The following PCDH15 variants were observed in gnomAD, a reference collection of about 807,000 sequenced individuals.
The protein encoded by PCDH15 is protocadherin-15.
In PCDH15, 129 loss-of-function variants were observed where a neutral mutation model predicts 178.5. The observed-to-expected ratio is 0.72, with a 90% CI of 0.63 to 0.84. PCDH15 has a LOEUF of 0.84. Ranked by LOEUF, PCDH15 falls within the 40% of genes least tolerant of loss-of-function variation. PCDH15 has a pLI of 0.00. For missense variants in PCDH15, 2,230 were observed against 2,099.9 expected (o/e 1.06, Z -1.21); for synonymous variants, 800 against 732.0 (o/e 1.09, Z -1.50).
At chr10:54,104,603 C>T (rs989776789) in intron 15 of PCDH15, among the ~76,000 whole-genome samples, 7 of 152,066 alleles carry the variant, frequency 4.6e-5, no homozygotes, top group African/African-American at 1.4e-4. Context: ...TTTGGGAGGC[C>T]AAGGCAGGCA....
chr10:54,120,208 A>T lies in PCDH15; in HGVS notation c.1917+12667T>A, dbSNP rs372200715. The stretch of plus-strand genomic sequence containing the variant: ...TGAGAAGTAAAATATTTTCCTGACA[A>T]GCACGTACTAAGAATATTTGTTACC... On this transcript the variant is annotated intron_variant, in intron 15 of 37. Coordinates refer to ENST00000644397, the MANE Select transcript of PCDH15 (RefSeq NM_001384140.1). Among the ~76,000 whole-genome samples the T allele has an allele frequency of 2.6e-5, 4 of 152,218 alleles. No homozygotes were observed. The East Asian group carries it at 7.7e-4, about 29-fold the overall frequency.
At chr10:55,071,712 C>T (rs150373018) in intron 2 of PCDH15, among the ~76,000 whole-genome samples, 6 of 152,084 alleles carry the variant, frequency 3.9e-5, no homozygotes, top group African/African-American at 1.4e-4. Context: ...AACAAGGATA[C>T]CCAGGAATTG....
intron 8 of PCDH15, among the ~76,000 whole-genome samples, chr10:54,307,081 CATATATATAT>C (rs1564922367): frequency 8.6e-5 from 1 of 11,574 alleles, no homozygotes. Context: ...TATATATATA[CATATATATAT>C]ATGTGTGTGT....
rs190807437 is a variant in PCDH15 at position 54,172,374 on chromosome 10, A to G, written c.1590+11070T>C. ...ATTTTCCTTTACCTACCCAAATCCT[A>G]TAAAACGGCCCCACCCTTATCTCCC... On this transcript the variant is annotated intron_variant, in intron 13 of 37. Coordinates refer to ENST00000644397, the MANE Select transcript of PCDH15 (RefSeq NM_001384140.1). Among the ~76,000 whole-genome samples, 179 of 151,800 alleles carry G rather than the reference A, an allele frequency of 1.2e-3. 1 individual carries two copies. Among genetic ancestry groups the G allele is most frequent in the African/African-American group, 4.0e-3 (164 of 41,350 alleles).
At chr10:53,999,562 A>G (rs1163168635) in intron 20 of PCDH15, among the ~76,000 whole-genome samples, 2 of 152,214 alleles carry the variant, frequency 1.3e-5, no homozygotes, top group Middle Eastern at 3.2e-3. Context: ...TTAAGAGGCC[A>G]TGGGCCATAA....
chr10:54,694,474 CCAATTTTTA>C (rs1252452453), intron 1 of PCDH15, among the ~76,000 whole-genome samples: 2 of 152,106 alleles, frequency 1.3e-5, no homozygotes, highest in Non-Finnish European at 1.5e-5. Flanking sequence ...CACAAATATT[CCAATTTTTA>C]CAAATTGAAG....
chr10:54,229,689 C>T (rs142054462), intron 9 of PCDH15, among the ~76,000 whole-genome samples: 68 of 152,172 alleles, frequency 4.5e-4, no homozygotes, highest in South Asian at 1.2e-3. Context: ...TGAGACATGC[C>T]GTTCACCTTC....
chr10:55,249,046 A>T (rs912842551), intron 1 of PCDH15, among the ~76,000 whole-genome samples: 1 of 152,214 alleles, frequency 6.6e-6, no homozygotes, highest in Non-Finnish European at 1.5e-5. Context: ...AAAAAGTTGT[A>T]AATCTATAAA....
At chr10:53,938,774 A>G in intron 25 of PCDH15, 41 bp downstream of exon 25, 1 of 1,600,426 alleles carries the variant, frequency 6.2e-7, no homozygotes, top group Non-Finnish European at 8.5e-7. Context: ...TAGCAGAGAC[A>G]CCATACAATT....
At chr10:55,219,839 G>T (rs1326749654) in intron 1 of PCDH15, among the ~76,000 whole-genome samples, 1 of 150,138 alleles carries the variant, frequency 6.7e-6, no homozygotes, top group Non-Finnish European at 1.5e-5. Context: ...CAATATTGGA[G>T]GTGTTTCACA....
intron 1 of PCDH15, among the ~76,000 whole-genome samples, chr10:55,274,839 A>C (rs1842545150): frequency 6.6e-6 from 1 of 152,004 alleles, no homozygotes; most frequent in African/African-American, 2.4e-5. Context: ...GATCCCTTGC[A>C]TGTGCAGTTC....
intron 2 of PCDH15, among the ~76,000 whole-genome samples, chr10:54,586,605 G>A (rs1476444504): frequency 6.6e-6 from 1 of 152,108 alleles, no homozygotes; most frequent in East Asian, 1.9e-4. Flanking sequence ...CTAAAGTTTA[G>A]TTTGGGACAA....
At chr10:55,540,054 AT>A (rs1030097189) in intron 2 of PCDH15, among the ~76,000 whole-genome samples, 7 of 152,038 alleles carry the variant, frequency 4.6e-5, no homozygotes, top group Non-Finnish European at 1.0e-4. Flanking sequence ...AATATCGTTT[AT>A]TTTTTTAACC....
At chr10:54,260,326 C>T (rs2057219451) in intron 8 of PCDH15, among the ~76,000 whole-genome samples, 1 of 151,230 alleles carries the variant, frequency 6.6e-6, no homozygotes, top group Admixed American at 6.6e-5. Flanking sequence ...CTCTCTCTGT[C>T]GCCCCCAATT....
At chr10:55,609,383 TA>T (rs1382795711) in intron 2 of PCDH15, among the ~76,000 whole-genome samples, 1 of 152,148 alleles carries the variant, frequency 6.6e-6, no homozygotes, top group African/African-American at 2.4e-5. Context: ...TAAATAGCTA[TA>T]AATATACCTT....
At position 54,313,883 on chromosome 10, in the gene PCDH15, T is replaced by C. The variant is rs2061061003; in HGVS notation, c.876+3388A>G. ...GGAAGGTCAATGATTCTTTGTAAAA[T>C]TAAGTTTGTACACTCTGCTTTTCAA... On this transcript the variant is annotated intron_variant, in intron 8 of 37. Transcript: ENST00000644397. Among the ~76,000 whole-genome samples the C allele has an allele frequency of 2.0e-5, 3 of 152,002 alleles. No homozygotes were observed. The South Asian group carries it at 6.2e-4, about 31-fold the overall frequency.
chr10:54,555,867 TTGA>T (rs909744890), intron 2 of PCDH15, among the ~76,000 whole-genome samples: 2 of 152,014 alleles, frequency 1.3e-5, no homozygotes, highest in Non-Finnish European at 2.9e-5. Flanking sequence ...CAAACTCAAA[TTGA>T]AGATCTACTG....
chr10:54,288,610 C>A (rs1227222534), intron 8 of PCDH15, among the ~76,000 whole-genome samples: 1 of 152,192 alleles, frequency 6.6e-6, no homozygotes, highest in Non-Finnish European at 1.5e-5. Flanking sequence ...CTTTCCTAGC[C>A]AAGGGAAGAT....
Position 54,378,923 on chromosome 10 carries a change from G to A in PCDH15, c.177C>T (p.Asn59=). The A allele has an allele frequency of 5.6e-6, 9 of 1,613,720 alleles. No homozygotes were observed. Among genetic ancestry groups the A allele is most frequent in the Non-Finnish European group, 7.6e-6 (9 of 1,179,796 alleles). ...CTCCAGCAGTCCCTTTGATCAGCAT[G>A]TTGTCCACCAGAATTGTACCTGCAA... The part of the protein sequence containing the change: ...ESRNGTILVD[N]MLIKGTAGGP... Residue 59 remains asparagine (N), a synonymous_variant, in exon 4 of 38, where the codon AAC becomes AAT. Coordinates refer to ENST00000644397, the MANE Select transcript of PCDH15 (RefSeq NM_001384140.1).
Sources: gnomAD v4.1 joint callset for allele counts (sites outside exome capture counted in the v4.1 genomes callset) on GRCh38, gnomAD v4.1.1 for gene constraint, MANE v1.5 for transcripts, NCBI Gene and HGNC (gene_info 2026-07-23, HGNC 2026-07-21) for gene names.